FCSK: variants seen among roughly 807,000 people sequenced by gnomAD.
FCSK encodes the protein L-fucose kinase.
FCSK carries 123 observed loss-of-function variants against 122.5 expected under a neutral mutation model. The observed-to-expected ratio is 1.00, with a 90% CI of 0.87 to 1.17. FCSK has a LOEUF of 1.17. FCSK is among the 50% of genes most tolerant of loss of function. The pLI is 0.00. For synonymous variants in FCSK, 620 were observed against 625.5 expected, an observed-to-expected ratio of 0.99 and a Z score of 0.13; for missense variants, 1,366 against 1,450.4, an observed-to-expected ratio of 0.94 and a Z score of 0.95.
rs17885282 is a variant in FCSK, at chr16:70,473,390, CA to C, written c.1777+38del. 8,740 of 1,459,420 alleles carry C rather than the reference CA, an allele frequency of 6.0e-3. 492 individuals carry two copies. In the African/African-American group the frequency reaches 0.11, roughly 19 times the overall value. The allele number at this position is 1,459,420 out of a possible 1,614,324, so 90.4% of individuals were successfully genotyped here. On this transcript the variant is annotated intron_variant, in intron 15 of 23. Coordinates refer to ENST00000288078, the MANE Select transcript of FCSK (RefSeq NM_145059.3). The surrounding 1 kb of genome is among the most constrained non-coding windows in gnomAD (Gnocchi z 4.9). Reference sequence around the variant, plus strand: ...GGCTGGTAGTGCTGCAGAATCAGGCCAGGGGCACCTGCCCTCCCTGTCCTCT... The same window carrying C: ...GGCTGGTAGTGCTGCAGAATCAGGCCGGGGCACCTGCCCTCCCTGTCCTCT...
chr16:70,470,447 C>T (rs374137141), intron 11 of FCSK, 21 bp downstream of exon 11: 201 of 1,467,228 alleles, frequency 1.4e-4, no homozygotes, highest in Admixed American at 2.1e-4. Flanking sequence ...CCTGCCCCTC[C>T]GGTGCCTGCT....
chr16:70,466,042 C>G lies in FCSK; in HGVS notation c.286-90C>G, dbSNP rs537233425. 14 of 1,339,154 alleles carry G rather than the reference C, an allele frequency of 1.0e-5. No homozygotes were observed. The East Asian group carries it at 2.6e-4, about 25-fold the overall frequency. 83.0% of individuals were successfully genotyped at this position (1,339,154 alleles called of 1,614,324 possible). On this transcript the variant is annotated intron_variant, in intron 4 of 23. Transcript: ENST00000288078. ...ATCAAGAGAACATTTTTTATCAGCC[C>G]TCCACTGGATGGCTTTCTGCCTGCA...
In FCSK at chr16:70,472,928, G is replaced by T. The variant is rs1597628557; in HGVS notation, c.1407-55G>T. On this transcript the variant is annotated intron_variant, in intron 14 of 23. Coordinates refer to ENST00000288078, the MANE Select transcript of FCSK (RefSeq NM_145059.3). ...ACTGACAGGCGGCTCAGGGCTTGGG[G>T]AAGAGACTGGAGCTTTTGCTTCCCT... 3 of 1,539,526 alleles carry T rather than the reference G, an allele frequency of 1.9e-6. No homozygotes were observed. The East Asian group carries it at 7.1e-5, about 36-fold the overall frequency.
chr16:70,471,448 C>G, intron 13 of FCSK, 96 bp downstream of exon 13: 1 of 1,288,386 alleles, frequency 7.8e-7, no homozygotes, highest in Non-Finnish European at 1.1e-6. Flanking sequence ...TCTCTGAGCA[C>G]TGGCCCGTGG....
At position 70,473,122 on chromosome 16, in the gene FCSK, G is replaced by C; in HGVS notation, c.1546G>C (p.Gly516Arg). The stretch of plus-strand genomic sequence containing the variant: ...GATGCTGGACCACCAGGAGGATGGG[G>C]GCGAGGCCCTGCGAGCCTGGCGGGC... The part of the protein sequence containing the change: ...LWMLDHQEDG[G>R]EALRAWRASW... Residue 516 changes from glycine to arginine, a missense_variant, in exon 15 of 24, where the codon GGC becomes CGC. By Grantham distance (125) the Gly-to-Arg change is moderately radical. Coordinates refer to ENST00000288078, the MANE Select transcript of FCSK (RefSeq NM_145059.3). The surrounding 1 kb of genome is among the most constrained non-coding windows in gnomAD (Gnocchi z 4.9). 1 of 1,579,484 alleles carries C rather than the reference G, an allele frequency of 6.3e-7. No homozygotes were observed. The highest frequency in any genetic ancestry group is 8.6e-7 in the Non-Finnish European group (1 of 1,164,232).
intron 7 of FCSK, 124 bp downstream of exon 7, chr16:70,467,595 G>T: frequency 1.3e-6 from 1 of 782,098 alleles, no homozygotes; most frequent in South Asian, 1.7e-5. Flanking sequence ...AATCCAAGGA[G>T]TTTCCTCCGT....
intron 4 of FCSK, 132 bp from the exon 5 acceptor site, chr16:70,466,000 A>C: frequency 1.1e-6 from 1 of 927,080 alleles, no homozygotes; most frequent in Non-Finnish European, 1.7e-6. Flanking sequence ...ATATAAAAAT[A>C]TATTGTAGGA....
At chr16:70,470,821 C>A in intron 11 of FCSK, 150 bp from the exon 12 acceptor site, 1 of 694,408 alleles carries the variant, frequency 1.4e-6, no homozygotes, top group African/African-American at 1.8e-5. Flanking sequence ...CAGGCTGGGG[C>A]CAAGGCAGGT....
Position 70,478,584 on chromosome 16 carries a change from G to T in FCSK, c.2863G>T (p.Ala955Ser), listed in dbSNP as rs781025611. 1.2e-6 allele frequency: 2 copies of T among 1,613,706 alleles called. No homozygotes were observed. The highest frequency in any genetic ancestry group is 2.2e-5 in the South Asian group (2 of 91,084). ...VLRSWYARLP[A>S]VVQNAHSLVR... Reference sequence around the variant, plus strand: ...GAGGAGCTGGTATGCCCGACTTCCTGCTGTGGTGCAGAATGCCCACAGCCT... The same window carrying T: ...GAGGAGCTGGTATGCCCGACTTCCTTCTGTGGTGCAGAATGCCCACAGCCT... Residue 955 changes from alanine (A) to serine (S), a missense_variant, in exon 22 of 24, where the codon GCT becomes TCT. Physicochemically the swap from Ala to Ser is moderately conservative, Grantham distance 99. Coordinates refer to ENST00000288078, the MANE Select transcript of FCSK (RefSeq NM_145059.3).
At chr16:70,460,593 C>G (rs7188474) in intron 1 of FCSK, among the ~76,000 whole-genome samples, 2 of 151,622 alleles carry the variant, frequency 1.3e-5, no homozygotes, top group African/African-American at 4.9e-5. Context: ...TTATTAGAGA[C>G]GGGGTTTCAC....
intron 11 of FCSK, 43 bp from the exon 12 acceptor site, chr16:70,470,928 T>C: frequency 1.3e-6 from 2 of 1,512,746 alleles, no homozygotes; most frequent in Non-Finnish European, 1.8e-6. Context: ...GGGGCAGCCC[T>C]GGGCCTCGAC....
At position 70,475,761 on chromosome 16, in the gene FCSK, A is replaced by C. The variant is rs2048789687; in HGVS notation, c.2635A>C (p.Thr879Pro). The change falls in exon 20 of 24, where the codon ACC becomes CCC. Residue 879 changes from threonine to proline, a missense_variant. Thr to Pro is a conservative substitution (Grantham distance 38). Transcript: ENST00000288078. Reference protein sequence around the residue: ...HAVLHLEQVLTTGGGWQDQVG... With the variant: ...HAVLHLEQVLPTGGGWQDQVG... ...AGTGCTGCACCTGGAGCAGGTGCTC[A>C]CCACTGGTATGTGACTGCCCTGGAG... 1.3e-6 allele frequency: 2 copies of C among 1,577,556 alleles called. No homozygotes were observed. The highest frequency in any genetic ancestry group is 1.7e-6 in the Non-Finnish European group (2 of 1,159,206).
At chr16:70,458,326 A>C (rs1015435253) in intron 1 of FCSK, among the ~76,000 whole-genome samples, 2 of 149,126 alleles carry the variant, frequency 1.3e-5, no homozygotes, top group African/African-American at 4.9e-5. Context: ...TGCCTGGCTA[A>C]TTTTTGAATT....
chr16:70,468,901 C>T lies in FCSK; in HGVS notation c.716C>T (p.Thr239Ile). ...SVETAERLLATHVSPPLDACT... is the reference protein window; with the variant it reads ...SVETAERLLAIHVSPPLDACT... ...GAGACTGCCGAGCGCCTCCTAGCCA[C>T]CCACGTGAGCCCGCCCCTGGATGCC... The change falls in exon 9 of 24, where the codon ACC (threonine) becomes ATC (isoleucine). Residue 239 changes from threonine (T) to isoleucine (I), a missense_variant. Transcript: ENST00000288078. 6.2e-7 allele frequency: 1 copy of T among 1,614,040 alleles called. No individual in the cohort carries two copies. The highest frequency in any genetic ancestry group is 2.2e-5 in the East Asian group (1 of 44,862).
At chr16:70,458,138 A>G (rs1189525470) in intron 1 of FCSK, among the ~76,000 whole-genome samples, 1 of 148,724 alleles carries the variant, frequency 6.7e-6, no homozygotes, top group Non-Finnish European at 1.5e-5. Flanking sequence ...AGTGGCTATT[A>G]TTAATTTTTT....
rs2048492703 is a variant in FCSK, at chr16:70,468,379, C to T, written c.663+413C>T. On this transcript the variant is annotated intron_variant, in intron 8 of 23. Coordinates refer to ENST00000288078, the MANE Select transcript of FCSK (RefSeq NM_145059.3). Reference sequence around the variant, plus strand: ...AGGTTGCGGTGAGCAGAGATCGTGCCACTGCACTTCAGCCAGGGTGACAGA... The same window carrying T: ...AGGTTGCGGTGAGCAGAGATCGTGCTACTGCACTTCAGCCAGGGTGACAGA... 2.0e-5 allele frequency among the ~76,000 whole-genome samples: 3 copies of T among 152,346 alleles called. No individual in the cohort carries two copies. The South Asian group carries it at 6.2e-4, about 32-fold the overall frequency.
intron 14 of FCSK, 86 bp downstream of exon 14, chr16:70,472,691 G>T: frequency 8.9e-7 from 1 of 1,120,682 alleles, no homozygotes; most frequent in South Asian, 1.4e-5. Context: ...CCCTGCCCCA[G>T]AGCAGCACGG....
chr16:70,477,274 C>A (rs552700625), intron 20 of FCSK: 1 of 151,676 alleles, frequency 6.6e-6, no homozygotes, highest in Admixed American at 6.6e-5. Context: ...CCTCTACCTC[C>A]CGGGTTCAAG....
At chr16:70,467,510 C>G (rs1188873575) in intron 7 of FCSK, 39 bp downstream of exon 7, 2 of 1,492,128 alleles carry the variant, frequency 1.3e-6, no homozygotes, top group East Asian at 4.9e-5. Flanking sequence ...CTGGGGCAGC[C>G]TTCCTCCTGT....
Sources: allele counts gnomAD v4.1 joint callset (sites outside exome capture counted in the v4.1 genomes callset), GRCh38; gene constraint gnomAD v4.1.1; non-coding constraint Gnocchi (gnomAD v3.1); transcripts MANE v1.5; gene names NCBI Gene and HGNC (gene_info 2026-07-23, HGNC 2026-07-21).